The following ITK variants were observed in gnomAD, a reference collection of about 807,000 sequenced individuals.
ITK encodes tyrosine-protein kinase ITK/TSK.
Under a neutral mutation model 87.6 loss-of-function variants are expected in ITK, and 45 were observed. That is an observed-to-expected ratio of 0.51 (90% CI 0.40 to 0.66). ITK has a LOEUF of 0.66. ITK is among the 30% of genes least tolerant of loss of function. ITK has a pLI of 0.00. For synonymous variants in ITK, 303 were observed against 273.6 expected, an observed-to-expected ratio of 1.11 and a Z score of -1.06; for missense variants, 605 against 766.3, an observed-to-expected ratio of 0.79 and a Z score of 2.48.
At chr5:157,196,859 ATTTC>A (rs1247552533) in intron 1 of ITK, among the ~76,000 whole-genome samples, 2 of 152,218 alleles carry the variant, frequency 1.3e-5, no homozygotes, top group African/African-American at 4.8e-5. Flanking sequence ...AACATTTCAT[ATTTC>A]TTATTCTGGG....
chr5:157,189,197 T>C (rs1270328910), intron 1 of ITK, among the ~76,000 whole-genome samples: 1 of 152,208 alleles, frequency 6.6e-6, no homozygotes, highest in African/African-American at 2.4e-5. Flanking sequence ...CTGTGTAATG[T>C]GAGGTTAATG....
chr5:157,188,277 T>G (rs1374471972), intron 1 of ITK, among the ~76,000 whole-genome samples: 1 of 152,184 alleles, frequency 6.6e-6, no homozygotes, highest in African/African-American at 2.4e-5. Flanking sequence ...CCTTAAAATT[T>G]TAAATCAGAT....
At chr5:157,214,033 T>G (rs543269569) in intron 3 of ITK, among the ~76,000 whole-genome samples, 158 bp from the exon 4 acceptor site, 85 of 152,310 alleles carry the variant, frequency 5.6e-4, no homozygotes, top group African/African-American at 1.9e-3. Flanking sequence ...AATAGCACAG[T>G]GCATTTATGC....
Position 157,253,956 on chromosome 5 carries a change from A to C in ITK, c.*1278A>C, listed in dbSNP as rs552376586. On this transcript the variant is annotated 3_prime_UTR_variant, in exon 17 of 17. Transcript: ENST00000422843. ...CCCTGGGTTCACATCCCCATGAGGTAATATTATTATTCCCATTTTACAAAT... is the reference window on the plus strand; with the variant it reads ...CCCTGGGTTCACATCCCCATGAGGTCATATTATTATTCCCATTTTACAAAT... 4.5e-6 allele frequency: 1 copy of C among 221,884 alleles called. No individual in the cohort carries two copies. The highest frequency in any genetic ancestry group is 5.8e-5 in the Admixed American group (1 of 17,386). 13.7% of individuals were successfully genotyped at this position (221,884 alleles called of 1,614,324 possible).
intron 7 of ITK, 110 bp downstream of exon 7, chr5:157,228,471 G>A (rs182617127): frequency 4.1e-6 from 3 of 725,842 alleles, no homozygotes; most frequent in East Asian, 2.7e-5. Context: ...TACTGCAACA[G>A]CAATGTTCAC....
At chr5:157,184,310 C>G (rs535744165) in intron 1 of ITK, among the ~76,000 whole-genome samples, 8 of 152,168 alleles carry the variant, frequency 5.3e-5, no homozygotes, top group African/African-American at 2.4e-5. Context: ...ATATTCCCAT[C>G]ATGGCCCATT....
intron 5 of ITK, among the ~76,000 whole-genome samples, chr5:157,219,742 C>T (rs183755437): frequency 2.0e-5 from 3 of 152,288 alleles, no homozygotes; most frequent in African/African-American, 7.2e-5. Context: ...AGGCCTGGTT[C>T]GGAACCCTAC....
At chr5:157,243,497 T>C in intron 11 of ITK, 126 bp from the exon 12 acceptor site, 2 of 801,310 alleles carry the variant, frequency 2.5e-6, no homozygotes, top group Non-Finnish European at 4.4e-6. Flanking sequence ...AGATAATTTA[T>C]TTGCCATCTT....
intron 3 of ITK, chr5:157,213,525 A>G (rs944066161): frequency 2.3e-6 from 1 of 441,000 alleles, no homozygotes; most frequent in Non-Finnish European, 4.5e-6. Flanking sequence ...CTACAGGTGC[A>G]TGACACCATG....
chr5:157,232,813 G>C (rs1469978975), intron 8 of ITK, among the ~76,000 whole-genome samples: 2 of 152,180 alleles, frequency 1.3e-5, no homozygotes, highest in Non-Finnish European at 2.9e-5. Context: ...CATCATCACC[G>C]CTGCAGCAGT....
At chr5:157,237,811 G>A (rs532979965) in intron 8 of ITK, among the ~76,000 whole-genome samples, 3 of 152,320 alleles carry the variant, frequency 2.0e-5, no homozygotes, top group Middle Eastern at 3.4e-3. Context: ...TGTGGTAAGA[G>A]TTGGAAAATA....
At position 157,228,347 on chromosome 5, in the gene ITK, T is replaced by C. The variant is rs2113764510; in HGVS notation, c.699T>C (p.Asn233=). The change falls in exon 7 of 17, where the codon AAT becomes AAC. Residue 233 remains asparagine, a synonymous_variant. Transcript: ENST00000422843. The part of the protein sequence containing the change: ...SSYLVEKSPN[N]LETYEWYNKS... Reference sequence around the variant, plus strand: ...ATCTGGTGGAAAAATCTCCAAATAATCTGGAAACCTATGAGTAAGATATTT... The same window carrying C: ...ATCTGGTGGAAAAATCTCCAAATAACCTGGAAACCTATGAGTAAGATATTT... 5 of 1,593,548 alleles carry C rather than the reference T, an allele frequency of 3.1e-6. No homozygotes were observed. The highest frequency in any genetic ancestry group is 2.2e-5 in the South Asian group (2 of 90,630).
At chr5:157,203,659 A>G (rs1334997818) in intron 1 of ITK, among the ~76,000 whole-genome samples, 8 of 152,204 alleles carry the variant, frequency 5.3e-5, no homozygotes, top group Non-Finnish European at 7.3e-5. Flanking sequence ...GTGCTCTACT[A>G]TTTGTGAAAA....
At chr5:157,202,151 C>G (rs1753989256) in intron 1 of ITK, among the ~76,000 whole-genome samples, 1 of 152,184 alleles carries the variant, frequency 6.6e-6, no homozygotes, top group African/African-American at 2.4e-5. Context: ...CTGCAAAGGA[C>G]ACAATCTCAT....
intron 8 of ITK, among the ~76,000 whole-genome samples, chr5:157,232,827 T>C (rs1277716012): frequency 6.6e-6 from 1 of 152,182 alleles, no homozygotes; most frequent in Non-Finnish European, 1.5e-5. Flanking sequence ...CAGCAGTCTT[T>C]GTGAGTGGTG....
At chr5:157,183,370 C>G (rs1390929664) in intron 1 of ITK, among the ~76,000 whole-genome samples, 1 of 152,024 alleles carries the variant, frequency 6.6e-6, no homozygotes, top group Non-Finnish European at 1.5e-5. Flanking sequence ...ATAATAGTAC[C>G]CATTTCATAG....
At chr5:157,237,683 C>A (rs1215032843) in intron 8 of ITK, among the ~76,000 whole-genome samples, 1 of 152,218 alleles carries the variant, frequency 6.6e-6, no homozygotes, top group African/African-American at 2.4e-5. Flanking sequence ...TGCTCACATA[C>A]CAGAGTTCAA....
chr5:157,200,654 G>A (rs770007297), intron 1 of ITK, among the ~76,000 whole-genome samples: 1 of 152,158 alleles, frequency 6.6e-6, no homozygotes, highest in Non-Finnish European at 1.5e-5. Context: ...ATGGATTGTG[G>A]TGGTGGATCC....
At chr5:157,214,348 T>C in intron 4 of ITK, 29 bp downstream of exon 4, 1 of 1,600,968 alleles carries the variant, frequency 6.2e-7, no homozygotes, top group Non-Finnish European at 8.6e-7. Context: ...CCTCTAGTTT[T>C]TGTGAAATGA....
Sources: gnomAD v4.1 joint callset for allele counts (sites outside exome capture counted in the v4.1 genomes callset) on GRCh38, gnomAD v4.1.1 for gene constraint, MANE v1.5 for transcripts, NCBI Gene and HGNC (gene_info 2026-07-23, HGNC 2026-07-21) for gene names.